Variants in CPNE5 observed in about 807,000 individuals in gnomAD.
CPNE5 encodes copine 5, also known as copine-5.
CPNE5 carries 42 observed loss-of-function variants against 81.1 expected under a neutral mutation model. The observed-to-expected ratio is 0.52, with a 90% CI of 0.40 to 0.67. The LOEUF (loss-of-function observed/expected upper bound fraction) is 0.67. CPNE5 is among the 30% of genes least tolerant of loss of function. The pLI, the probability that CPNE5 is intolerant of heterozygous loss-of-function variation, is 0.00. For synonymous variants in CPNE5, 313 were observed against 321.5 expected (o/e 0.97, Z 0.28); for missense variants, 612 against 815.5 (o/e 0.75, Z 3.04).
At chr6:36,808,098 C>CT (rs55861804) in intron 3 of CPNE5, among the ~76,000 whole-genome samples, 46,071 of 148,620 alleles carry the variant, frequency 0.31, 7,830 homozygotes, top group African/African-American at 0.44. Flanking sequence ...TTTCTTTTTT[C>CT]TTTTTTTTTT....
intron 10 of CPNE5, 139 bp from the exon 11 acceptor site, chr6:36,765,515 C>T (rs1209216614): frequency 2.7e-5 from 25 of 918,036 alleles, no homozygotes; most frequent in Middle Eastern, 2.2e-4. Flanking sequence ...GGGGAGGCAG[C>T]GGCTTGAGAG....
At chr6:36,821,271 C>A (rs236378) in intron 3 of CPNE5, among the ~76,000 whole-genome samples, 12,674 of 148,630 alleles carry the variant, frequency 0.085, 1,679 homozygotes, top group African/African-American at 0.28. Flanking sequence ...AGGGGCCCAG[C>A]GTCAGGAGAT....
intron 11 of CPNE5, among the ~76,000 whole-genome samples, chr6:36,763,493 C>G (rs1358376406): frequency 6.6e-6 from 1 of 151,542 alleles, no homozygotes; most frequent in Non-Finnish European, 1.5e-5. Flanking sequence ...ATCCTAGCTA[C>G]TCCAGAGGCT....
chr6:36,778,436 G>T (rs944950930), intron 9 of CPNE5, among the ~76,000 whole-genome samples: 1 of 152,226 alleles, frequency 6.6e-6, no homozygotes, highest in Non-Finnish European at 1.5e-5. Flanking sequence ...CAGACTGGGG[G>T]CTGCTCAGAG....
intron 8 of CPNE5, among the ~76,000 whole-genome samples, chr6:36,784,254 C>T (rs1472860976): frequency 6.6e-6 from 1 of 152,238 alleles, no homozygotes; most frequent in Non-Finnish European, 1.5e-5. Flanking sequence ...CAAAAGTCCA[C>T]TGTGATCATC....
intron 1 of CPNE5, among the ~76,000 whole-genome samples, chr6:36,830,511 C>G (rs1361494113): frequency 6.6e-6 from 1 of 152,222 alleles, no homozygotes; most frequent in Non-Finnish European, 1.5e-5. Context: ...GCTCTGCTTC[C>G]CTGCCAAGCA....
intron 8 of CPNE5, among the ~76,000 whole-genome samples, chr6:36,788,240 AC>A (rs1768766231): frequency 6.6e-6 from 1 of 151,650 alleles, no homozygotes. Flanking sequence ...GGGGGGTCTC[AC>A]TATGATGTCC....
intron 14 of CPNE5, among the ~76,000 whole-genome samples, chr6:36,750,129 C>A (rs1289741507): frequency 6.6e-6 from 1 of 152,198 alleles, no homozygotes; most frequent in Non-Finnish European, 1.5e-5. Context: ...GGACACGAGG[C>A]TGGGATAACG....
chr6:36,793,272 C>G (rs1436015492), intron 7 of CPNE5, among the ~76,000 whole-genome samples: 1 of 152,112 alleles, frequency 6.6e-6, no homozygotes, highest in Non-Finnish European at 1.5e-5. Context: ...GCTGGCAGGA[C>G]AGCCCAGATC....
intron 8 of CPNE5, among the ~76,000 whole-genome samples, chr6:36,787,540 AGTT>A (rs569458024): frequency 6.6e-6 from 1 of 152,112 alleles, no homozygotes; most frequent in African/African-American, 2.4e-5. Flanking sequence ...GTGATAAAAT[AGTT>A]GTTGTAAGAA....
At chr6:36,792,576 G>T (rs1769198867) in intron 7 of CPNE5, 3 of 444,354 alleles carry the variant, frequency 6.8e-6, no homozygotes, top group Admixed American at 2.5e-5. Context: ...GGGCTGGTGG[G>T]CCCTCGCTGG....
intron 13 of CPNE5, chr6:36,754,642 A>G (rs778880989): frequency 1.6e-4 from 25 of 152,272 alleles, no homozygotes; most frequent in Non-Finnish European, 2.8e-4. Context: ...AGGAAAGTCA[A>G]GAGACCTGGG....
rs537445144 is a variant in CPNE5 at position 36,805,523 on chromosome 6, G to A, written c.184-5453C>T. On this transcript the variant is annotated intron_variant, in intron 3 of 20. Transcript: ENST00000244751. Reference sequence around the variant, plus strand: ...GGATGCCCAAGCAATCTGCATGCAGGATGTGATGCAGAGAGCCCTAGAGAA... The same window carrying A: ...GGATGCCCAAGCAATCTGCATGCAGAATGTGATGCAGAGAGCCCTAGAGAA... 6.6e-5 allele frequency among the ~76,000 whole-genome samples: 10 copies of A among 152,340 alleles called. No individual in the cohort carries two copies. In the South Asian group the frequency reaches 2.1e-3, roughly 32 times the overall value.
intron 1 of CPNE5, among the ~76,000 whole-genome samples, chr6:36,829,796 G>C (rs1004976205): frequency 8.6e-6 from 1 of 116,608 alleles, no homozygotes; most frequent in African/African-American, 3.3e-5. Context: ...CTGGGTGACA[G>C]AGTGTGGCTC....
chr6:36,748,344 G>A (rs1764419633), intron 14 of CPNE5, 77 bp from the exon 15 acceptor site: 1 of 1,319,250 alleles, frequency 7.6e-7, no homozygotes, highest in South Asian at 1.2e-5. Context: ...CTAGACATTG[G>A]CTACCACCCT....
chr6:36,832,693 A>T (rs556674852), intron 1 of CPNE5, among the ~76,000 whole-genome samples: 1 of 120,844 alleles, frequency 8.3e-6, no homozygotes, highest in Admixed American at 8.3e-5. Context: ...AAATAAATGC[A>T]TATCAAGTTT....
intron 3 of CPNE5, among the ~76,000 whole-genome samples, chr6:36,802,989 A>C (rs1447351130): frequency 6.6e-6 from 1 of 152,104 alleles, no homozygotes; most frequent in Non-Finnish European, 1.5e-5. Flanking sequence ...ACCCAGGTGG[A>C]GGTCGCAGTG....
chr6:36,743,674 A>G lies in CPNE5; in HGVS notation c.1563+15T>C. ...TCTTGAATTTCCCATGGGGCAGGCA[A>G]GGCCTGGGCTTCACCTGGACGATGT... On this transcript the variant is annotated intron_variant, in intron 20 of 20. Coordinates refer to ENST00000244751, the MANE Select transcript of CPNE5 (RefSeq NM_020939.2). The G allele has an allele frequency of 6.2e-7, 1 of 1,612,390 alleles. No individual in the cohort carries two copies. The highest frequency in any genetic ancestry group is 8.5e-7 in the Non-Finnish European group (1 of 1,178,914).
At chr6:36,834,294 AG>A (rs1773249190) in intron 1 of CPNE5, among the ~76,000 whole-genome samples, 1 of 51,788 alleles carries the variant, frequency 1.9e-5, no homozygotes. Flanking sequence ...GAAGGGAGGG[AG>A]GGAGGGAGGG....
Sources: allele counts gnomAD v4.1 joint callset (sites outside exome capture counted in the v4.1 genomes callset), GRCh38; gene constraint gnomAD v4.1.1; transcripts MANE v1.5; gene names NCBI Gene and HGNC (gene_info 2026-07-23, HGNC 2026-07-21).